Variants in HNRNPLL observed in about 807,000 individuals in gnomAD.
HNRNPLL encodes the protein heterogeneous nuclear ribonucleoprotein L like.
In HNRNPLL, 25 loss-of-function variants were observed where a neutral mutation model predicts 67.1. That is an observed-to-expected ratio of 0.37 (90% confidence interval 0.27 to 0.52). HNRNPLL has a LOEUF of 0.52. Ranked by LOEUF, HNRNPLL falls within the 20% of genes least tolerant of loss-of-function variation. The pLI is 0.90. For missense variants in HNRNPLL, 542 were observed against 673.9 expected (o/e 0.80, Z 2.17); for synonymous variants, 267 against 241.7 (o/e 1.10, Z -0.97).
In HNRNPLL at chr2:38,585,662, C is replaced by T. The variant is rs746282454; in HGVS notation, c.528G>A (p.Pro176=). 3.1e-6 allele frequency: 5 copies of T among 1,597,952 alleles called. No homozygotes were observed. Among genetic ancestry groups the T allele is most frequent in the South Asian group, 1.1e-5 (1 of 90,732 alleles). ...NKVLLLSIQN[P]LYPITVDVLY... Reference sequence around the variant, plus strand: ...CACATACCACTGTAATTGGATAAAGCGGATTCTGAATTGAGAGCAGAAGAA... The same window carrying T: ...CACATACCACTGTAATTGGATAAAGTGGATTCTGAATTGAGAGCAGAAGAA... Residue 176 remains proline (P), a synonymous_variant, in exon 3 of 13, where the codon CCG becomes CCA. Transcript: ENST00000449105.
rs1179557809 is a variant in HNRNPLL at position 38,583,875 on chromosome 2, T to C, written c.598A>G (p.Ile200Val). Reference sequence around the variant, plus strand: ...GCTTGTATCCCATTTCTCTTGAATATAACAATACGTTGCACTTTGCCAACA... The same window carrying C: ...GCTTGTATCCCATTTCTCTTGAATACAACAATACGTTGCACTTTGCCAACA... ...NPVGKVQRIV[I>V]FKRNGIQAMV... Residue 200 changes from isoleucine (I) to valine (V), a missense_variant, in exon 4 of 13, where the codon ATA (isoleucine) becomes GTA (valine). Ile to Val is a conservative substitution (Grantham distance 29). Transcript: ENST00000449105. The C allele has an allele frequency of 1.9e-6, 3 of 1,571,368 alleles. No individual in the cohort carries two copies. The highest frequency in any genetic ancestry group is 2.7e-5 in the African/African-American group (2 of 73,812).
rs1362361813 is a variant in HNRNPLL at position 38,585,510 on chromosome 2, G to A, written c.546+134C>T. On this transcript the variant is annotated intron_variant, in intron 3 of 12. Transcript: ENST00000449105. ...CATTTTTTCTTTGTTCATTAAACTT[G>A]TTAAGATTAATTTTCAAAATTAAAA... The A allele has an allele frequency of 6.5e-5, 40 of 611,610 alleles. No homozygotes were observed. The East Asian group carries it at 1.1e-3, about 17-fold the overall frequency. 37.9% of individuals were successfully genotyped at this position (611,610 alleles called of 1,614,324 possible).
chr2:38,572,706 G>T (rs760659307), intron 8 of HNRNPLL, among the ~76,000 whole-genome samples: 1 of 151,956 alleles, frequency 6.6e-6, no homozygotes, highest in East Asian at 1.9e-4. Context: ...TATCAAAGTG[G>T]GTCAGTTTCA....
intron 2 of HNRNPLL, among the ~76,000 whole-genome samples, chr2:38,587,869 C>T (rs997910859): frequency 6.6e-6 from 1 of 152,100 alleles, no homozygotes; most frequent in African/African-American, 2.4e-5. Context: ...TTTCTAATGG[C>T]TTAGCACTAT....
At position 38,564,206 on chromosome 2, in the gene HNRNPLL, G is replaced by T. The variant is rs1285760199; in HGVS notation, c.1605C>A (p.Cys535Ter). ...NGSNPYTLKL[C>*]FSTSSHL ...CTTATAAATGGGATGATGTAGAAAA[G>T]CAAAGCTTCAATGTATAGGGATTGG... The change falls in exon 13 of 13, where the codon TGC becomes TGA. Residue 535 changes from cysteine to a stop codon, truncating the protein, a stop_gained. Transcript: ENST00000449105. LOFTEE classifies it high-confidence loss of function. 6.4e-7 allele frequency: 1 copy of T among 1,562,934 alleles called. No homozygotes were observed. Among genetic ancestry groups the T allele is most frequent in the Admixed American group, 1.7e-5 (1 of 59,706 alleles).
intron 1 of HNRNPLL, chr2:38,602,064 G>A (rs899505462): frequency 4.0e-6 from 1 of 251,328 alleles, no homozygotes; most frequent in South Asian, 4.5e-5. Flanking sequence ...AGGGACTGAA[G>A]AGAACCGGTG....
chr2:38,590,844 A>C (rs78496376), intron 2 of HNRNPLL, among the ~76,000 whole-genome samples: 2 of 152,088 alleles, frequency 1.3e-5, no homozygotes, highest in Non-Finnish European at 2.9e-5. Context: ...CTCTACAAAA[A>C]ATTTTTTTAA....
In HNRNPLL at chr2:38,569,904, G is replaced by C. The variant is rs1343154442; in HGVS notation, c.1114C>G (p.Pro372Ala). 20 of 1,588,934 alleles carry C rather than the reference G, an allele frequency of 1.3e-5. No homozygotes were observed. Among genetic ancestry groups the C allele is most frequent in the Non-Finnish European group, 1.7e-5 (20 of 1,165,324 alleles). ...IEKVKFMKTI[P>A]GTALVEMGDE... ...CCCATTTCTACCAGTGCTGTACCAG[G>C]AATGGTCTTCATAAATTTTACCTGT... is the stretch of plus-strand genomic sequence containing the variant. The change falls in exon 9 of 13, where the codon CCT (proline) becomes GCT (alanine). Residue 372 changes from proline (P) to alanine (A), a missense_variant. Pro to Ala is a conservative substitution (Grantham distance 27). This residue lies in a region of HNRNPLL where 415 missense variants were observed against 575.2 expected (regional missense o/e 0.72). Coordinates refer to ENST00000449105, the MANE Select transcript of HNRNPLL (RefSeq NM_138394.4).
At chr2:38,582,049 A>T in intron 5 of HNRNPLL, 23 bp downstream of exon 5, 2 of 1,600,106 alleles carry the variant, frequency 1.2e-6, no homozygotes, top group Non-Finnish European at 1.7e-6. Flanking sequence ...TTTCTTGGGT[A>T]GGGTGTTGAA....
At chr2:38,599,694 T>C (rs1356184905) in intron 1 of HNRNPLL, among the ~76,000 whole-genome samples, 4 of 152,232 alleles carry the variant, frequency 2.6e-5, no homozygotes, top group African/African-American at 7.2e-5. Flanking sequence ...CTCACAATTA[T>C]CCATTCATTT....
intron 1 of HNRNPLL, among the ~76,000 whole-genome samples, chr2:38,596,953 C>G (rs1667219002): frequency 6.6e-6 from 1 of 152,194 alleles, no homozygotes; most frequent in Admixed American, 6.5e-5. Flanking sequence ...GGCTCTAGAC[C>G]AGTCTACTTA....
intron 3 of HNRNPLL, among the ~76,000 whole-genome samples, chr2:38,584,495 TTTC>T (rs1439030267): frequency 6.6e-6 from 1 of 152,210 alleles, no homozygotes; most frequent in Non-Finnish European, 1.5e-5. Flanking sequence ...CAATTTTTAT[TTTC>T]TTAACAGGTG....
rs183010849 is a variant in HNRNPLL at position 38,589,420 on chromosome 2, A to G, written c.308+2110T>C. On this transcript the variant is annotated intron_variant, in intron 2 of 12. Transcript: ENST00000449105. Reference sequence around the variant, plus strand: ...GCAAAATTTCTATTGGAAGCTGTTCAAGGTTCTTTCAGCCTTAATAGCAGC... The same window carrying G: ...GCAAAATTTCTATTGGAAGCTGTTCGAGGTTCTTTCAGCCTTAATAGCAGC... Among the ~76,000 whole-genome samples the G allele has an allele frequency of 1.8e-3, 270 of 152,358 alleles. 1 individual carries two copies. Among genetic ancestry groups the G allele is most frequent in the Admixed American group, 3.7e-3 (56 of 15,304 alleles).
At chr2:38,586,240 C>A (rs528179194) in intron 2 of HNRNPLL, among the ~76,000 whole-genome samples, 1 of 152,164 alleles carries the variant, frequency 6.6e-6, no homozygotes, top group East Asian at 1.9e-4. Context: ...CCAGGATGGT[C>A]TCGATCTCCT....
chr2:38,564,237 T>A lies in HNRNPLL; in HGVS notation c.1574A>T (p.Asn525Ile). The change falls in exon 13 of 13, where the codon AAT becomes ATT. Residue 525 changes from asparagine (N) to isoleucine (I), a missense_variant and splice_region_variant. Transcript: ENST00000449105. ...ALNHYQIRVP[N>I]GSNPYTLKLC... ...CTTCAATGTATAGGGATTGGAACCA[T>A]CTGTAAAAAGTAAAAAACAGTTAAT... 1 of 1,539,736 alleles carries A rather than the reference T, an allele frequency of 6.5e-7. No individual in the cohort carries two copies. The highest frequency in any genetic ancestry group is 9.0e-7 in the Non-Finnish European group (1 of 1,114,532).
intron 4 of HNRNPLL, among the ~76,000 whole-genome samples, chr2:38,582,717 C>T (rs143117427): frequency 6.6e-6 from 1 of 151,928 alleles, no homozygotes; most frequent in African/African-American, 2.4e-5. Flanking sequence ...CTCAGGAGTT[C>T]GAGACCAGCC....
intron 9 of HNRNPLL, among the ~76,000 whole-genome samples, chr2:38,569,588 C>G (rs527609251): frequency 6.6e-6 from 1 of 152,042 alleles, no homozygotes; most frequent in Non-Finnish European, 1.5e-5. Context: ...CATTTTAACA[C>G]GTTTTATCAT....
chr2:38,592,590 G>C (rs963873521), intron 1 of HNRNPLL, among the ~76,000 whole-genome samples: 1 of 152,136 alleles, frequency 6.6e-6, no homozygotes, highest in African/African-American at 2.4e-5. Flanking sequence ...GTGTATCTTC[G>C]AGTATGCCAG....
chr2:38,595,761 G>A (rs1043684891), intron 1 of HNRNPLL, among the ~76,000 whole-genome samples: 3 of 152,172 alleles, frequency 2.0e-5, no homozygotes, highest in East Asian at 3.9e-4. Flanking sequence ...GGAGAATGGC[G>A]TGAACCCGGG....
Sources: allele counts gnomAD v4.1 joint callset (sites outside exome capture counted in the v4.1 genomes callset), GRCh38; gene constraint gnomAD v4.1.1; regional missense constraint gnomAD v4.1.1; transcripts MANE v1.5; gene names NCBI Gene and HGNC (gene_info 2026-07-23, HGNC 2026-07-21).